SGMS1: variants seen among roughly 807,000 people sequenced by gnomAD.
SGMS1 encodes phosphatidylcholine:ceramide cholinephosphotransferase 1.
SGMS1 carries 13 observed loss-of-function variants against 46.2 expected under a neutral mutation model. The ratio of observed to expected loss-of-function variants is 0.28; its 90% CI spans 0.18 to 0.45. The LOEUF is 0.45. Among genes scored for constraint, SGMS1 ranks in the 20% least tolerant of loss-of-function variants. The probability of loss-of-function intolerance (pLI) is 1.00; values close to 1 mark genes in which losing one functional copy is unlikely to be tolerated. For missense variants in SGMS1, 324 were observed against 519.9 expected (o/e 0.62, Z 3.66); for synonymous variants, 203 against 187.8 (o/e 1.08, Z -0.66).
At chr10:50,352,378 T>G (rs1055690386) in intron 6 of SGMS1, among the ~76,000 whole-genome samples, 3 of 152,168 alleles carry the variant, frequency 2.0e-5, no homozygotes, top group Admixed American at 2.0e-4. Flanking sequence ...AGAGAAGAAC[T>G]GCCACCATCC....
intron 2 of SGMS1, among the ~76,000 whole-genome samples, chr10:50,587,245 T>C (rs1426101669): frequency 6.6e-6 from 1 of 152,086 alleles, no homozygotes; most frequent in Admixed American, 6.5e-5. Flanking sequence ...TTTGGAGATT[T>C]GCAACACTTT....
chr10:50,549,077 C>T (rs1351921928), intron 2 of SGMS1, among the ~76,000 whole-genome samples: 4 of 152,282 alleles, frequency 2.6e-5, no homozygotes, highest in Non-Finnish European at 4.4e-5. Context: ...GAAAAAGGAA[C>T]GCTTATATAC....
chr10:50,531,185 C>T (rs1467230833), intron 2 of SGMS1, among the ~76,000 whole-genome samples: 2 of 152,206 alleles, frequency 1.3e-5, no homozygotes, highest in Non-Finnish European at 2.9e-5. Flanking sequence ...GTGCCACCAC[C>T]TGATTGATCT....
At chr10:50,379,354 G>A (rs548539533) in intron 6 of SGMS1, among the ~76,000 whole-genome samples, 68 of 152,030 alleles carry the variant, frequency 4.5e-4, no homozygotes, top group Non-Finnish European at 9.1e-4. Context: ...TGGTATATCT[G>A]TACATACCAA....
intron 3 of SGMS1, among the ~76,000 whole-genome samples, chr10:50,509,502 C>A (rs2983373): frequency 1 from 151,668 of 152,348 alleles, 75,503 homozygotes; most frequent in East Asian, 1. Context: ...GAGATTAAAA[C>A]GGATCTGAAA....
chr10:50,566,453 T>C (rs1167959267), intron 2 of SGMS1, among the ~76,000 whole-genome samples: 1 of 152,230 alleles, frequency 6.6e-6, no homozygotes, highest in Non-Finnish European at 1.5e-5. Context: ...CAGCTTCTTC[T>C]GTTTTTAAAT....
intron 6 of SGMS1, among the ~76,000 whole-genome samples, chr10:50,396,282 G>A (rs934480379): frequency 2.0e-5 from 3 of 152,100 alleles, no homozygotes; most frequent in Admixed American, 6.6e-5. Flanking sequence ...CCCACGTGCA[G>A]CCCCCATTAT....
intron 3 of SGMS1, among the ~76,000 whole-genome samples, chr10:50,487,570 G>A (rs10826100): frequency 0.43 from 65,637 of 151,964 alleles, 14,299 homozygotes; most frequent in Admixed American, 0.52. Context: ...TTTTGTACAC[G>A]TTTTTTATGC....
chr10:50,508,578 C>T (rs540093516), intron 3 of SGMS1, among the ~76,000 whole-genome samples: 2 of 152,240 alleles, frequency 1.3e-5, no homozygotes, highest in East Asian at 1.9e-4. Context: ...TAGTCTAGAC[C>T]GCAGGGAGAC....
chr10:50,565,803 G>A (rs151217989), intron 2 of SGMS1, among the ~76,000 whole-genome samples: 8 of 152,332 alleles, frequency 5.3e-5, no homozygotes, highest in African/African-American at 1.4e-4. Context: ...ATGCTGAGAA[G>A]GCCATCACTT....
At chr10:50,397,589 G>A (rs1848864695) in intron 6 of SGMS1, among the ~76,000 whole-genome samples, 1 of 152,144 alleles carries the variant, frequency 6.6e-6, no homozygotes, top group Non-Finnish European at 1.5e-5. Context: ...TTATTTAGAT[G>A]TCCACATCTC....
intron 3 of SGMS1, chr10:50,474,133 T>C (rs948780583): frequency 2.6e-5 from 4 of 152,176 alleles, no homozygotes; most frequent in Non-Finnish European, 5.9e-5. Context: ...TTGAACCCTT[T>C]TGTTGAGTGA....
chr10:50,425,239 T>C (rs893495829), intron 6 of SGMS1, among the ~76,000 whole-genome samples: 1 of 152,186 alleles, frequency 6.6e-6, no homozygotes, highest in African/African-American at 2.4e-5. Flanking sequence ...AGCAATCCAT[T>C]ACTGCAAATA....
chr10:50,525,335 T>C (rs1041401832), intron 2 of SGMS1, among the ~76,000 whole-genome samples: 17 of 152,122 alleles, frequency 1.1e-4, no homozygotes, highest in African/African-American at 4.1e-4. Context: ...TGGCTCTAGA[T>C]TGTGAAGGTG....
chr10:50,486,110 T>G (rs997502915), intron 3 of SGMS1, among the ~76,000 whole-genome samples: 6 of 152,138 alleles, frequency 3.9e-5, no homozygotes, highest in Admixed American at 3.9e-4. Context: ...ATAACTGAGA[T>G]AGCCATATAT....
chr10:50,458,699 A>C (rs576988271), intron 5 of SGMS1, among the ~76,000 whole-genome samples: 1 of 152,026 alleles, frequency 6.6e-6, no homozygotes, highest in Non-Finnish European at 1.5e-5. Flanking sequence ...TAAGTTTCAC[A>C]ATATTATAAA....
chr10:50,605,858 C>T (rs1007992138), intron 1 of SGMS1, among the ~76,000 whole-genome samples: 28 of 152,156 alleles, frequency 1.8e-4, no homozygotes, highest in Admixed American at 6.5e-5. Flanking sequence ...AAATAATATA[C>T]ATCATACTCA....
intron 5 of SGMS1, among the ~76,000 whole-genome samples, chr10:50,454,816 G>T (rs972153947): frequency 1.3e-5 from 2 of 152,152 alleles, no homozygotes; most frequent in African/African-American, 2.4e-5. Flanking sequence ...ATTATTTAAT[G>T]AGAGCTGGTG....
chr10:50,331,223 T>C (rs1456054182), intron 7 of SGMS1, among the ~76,000 whole-genome samples: 1 of 152,248 alleles, frequency 6.6e-6, no homozygotes, highest in Admixed American at 6.5e-5. Context: ...AGTTCTCTTA[T>C]ATACCAAGCT....
Sources: gnomAD v4.1 joint callset for allele counts (sites outside exome capture counted in the v4.1 genomes callset) on GRCh38, gnomAD v4.1.1 for gene constraint, MANE v1.5 for transcripts, NCBI Gene and HGNC (gene_info 2026-07-23, HGNC 2026-07-21) for gene names.